CNTNAP2: variants seen among roughly 807,000 people sequenced by gnomAD.
CNTNAP2 encodes contactin-associated protein-like 2.
A neutral mutation model predicts 155.2 loss-of-function variants in CNTNAP2; 98 were observed. The observed-to-expected ratio is 0.63, with a 90% CI of 0.54 to 0.75. CNTNAP2 has a LOEUF of 0.75. Ranked by LOEUF, CNTNAP2 falls within the 30% of genes least tolerant of loss-of-function variation. The pLI is 0.00. For missense variants in CNTNAP2, 1,727 were observed against 1,688.1 expected (o/e 1.02, Z -0.40); for synonymous variants, 651 against 631.2 (o/e 1.03, Z -0.47).
intron 4 of CNTNAP2, among the ~76,000 whole-genome samples, chr7:147,105,226 C>A (rs1800740965): frequency 6.6e-6 from 1 of 151,670 alleles, no homozygotes; most frequent in African/African-American, 2.4e-5. Flanking sequence ...GACTAAGGAA[C>A]AATAAAATGT....
At chr7:147,269,077 C>T (rs1261519228) in intron 8 of CNTNAP2, among the ~76,000 whole-genome samples, 3 of 152,090 alleles carry the variant, frequency 2.0e-5, no homozygotes, top group Admixed American at 2.0e-4. Flanking sequence ...CTGAGTGTAA[C>T]CTGGCTTCCC....
At chr7:147,877,696 A>G (rs2116710527) in intron 13 of CNTNAP2, among the ~76,000 whole-genome samples, 1 of 152,232 alleles carries the variant, frequency 6.6e-6, no homozygotes, top group East Asian at 1.9e-4. Flanking sequence ...TCTAATTACA[A>G]ATTAGAGATA....
intron 12 of CNTNAP2, among the ~76,000 whole-genome samples, chr7:147,596,587 G>A (rs1249026455): frequency 1.3e-5 from 2 of 152,108 alleles, no homozygotes; most frequent in East Asian, 3.9e-4. Context: ...ACCTCAGCCT[G>A]AGCCCCATCT....
intron 11 of CNTNAP2, among the ~76,000 whole-genome samples, chr7:147,553,284 G>GA (rs1391835569): frequency 3.3e-5 from 5 of 152,006 alleles, no homozygotes; most frequent in African/African-American, 9.7e-5. Context: ...GCAGCCAATG[G>GA]AAAAAAGAGA....
At chr7:146,464,393 G>A (rs1796686489) in intron 1 of CNTNAP2, among the ~76,000 whole-genome samples, 1 of 151,848 alleles carries the variant, frequency 6.6e-6, no homozygotes, top group African/African-American at 2.4e-5. Flanking sequence ...AGATCATATT[G>A]AATATATTGT....
intron 8 of CNTNAP2, among the ~76,000 whole-genome samples, chr7:147,154,967 A>G (rs1314784247): frequency 6.6e-6 from 1 of 152,168 alleles, no homozygotes; most frequent in Middle Eastern, 3.2e-3. Flanking sequence ...AGATAATTTA[A>G]TAGAGAGAAA....
intron 1 of CNTNAP2, among the ~76,000 whole-genome samples, chr7:146,634,425 T>C (rs768099431): frequency 1.3e-5 from 2 of 152,198 alleles, no homozygotes; most frequent in African/African-American, 2.4e-5. Flanking sequence ...TCTCCATCAT[T>C]CCAAGTGCAA....
chr7:147,098,358 A>T (rs1563076124), intron 4 of CNTNAP2, among the ~76,000 whole-genome samples: 1 of 152,176 alleles, frequency 6.6e-6, no homozygotes, highest in Non-Finnish European at 1.5e-5. Flanking sequence ...GCGTTTTTAG[A>T]ACAGTCGAAT....
chr7:146,351,035 G>A (rs1014173322), intron 1 of CNTNAP2, among the ~76,000 whole-genome samples: 8 of 121,786 alleles, frequency 6.6e-5, no homozygotes, highest in African/African-American at 2.2e-4. Flanking sequence ...GTTGTGGGGT[G>A]GGGGGAGGGT....
At chr7:146,536,696 T>C (rs1458709761) in intron 1 of CNTNAP2, among the ~76,000 whole-genome samples, 4 of 151,970 alleles carry the variant, frequency 2.6e-5, no homozygotes, top group African/African-American at 9.7e-5. Context: ...TATCACTTGT[T>C]TATTGCTGTG....
chr7:147,690,554 TCC>T (rs374946474), intron 13 of CNTNAP2, among the ~76,000 whole-genome samples: 135 of 151,950 alleles, frequency 8.9e-4, no homozygotes, highest in African/African-American at 2.9e-3. Context: ...AAAAAAGGTA[TCC>T]ACAAATAATT....
At chr7:147,076,034 A>T (rs1799992758) in intron 4 of CNTNAP2, among the ~76,000 whole-genome samples, 1 of 152,118 alleles carries the variant, frequency 6.6e-6, no homozygotes, top group Non-Finnish European at 1.5e-5. Context: ...TCTATCATTG[A>T]TGGACATTTG....
At chr7:146,501,981 A>G (rs1217478638) in intron 1 of CNTNAP2, among the ~76,000 whole-genome samples, 1 of 151,854 alleles carries the variant, frequency 6.6e-6, no homozygotes, top group Admixed American at 6.6e-5. Context: ...CCCATTAACC[A>G]ACCTCTCTTT....
At chr7:147,599,857 C>T (rs10249778) in intron 12 of CNTNAP2, among the ~76,000 whole-genome samples, 1,616 of 152,276 alleles carry the variant, frequency 0.011, 37 homozygotes, top group African/African-American at 0.037. Context: ...CAAATAAGAT[C>T]ACATTCACAG....
intron 14 of CNTNAP2, among the ~76,000 whole-genome samples, chr7:147,964,699 G>A (rs985712061): frequency 3.9e-5 from 6 of 152,180 alleles, no homozygotes; most frequent in African/African-American, 1.2e-4. Context: ...TTGATTAACA[G>A]TGATGGATTT....
At position 147,299,103 on chromosome 7, in the gene CNTNAP2, TGAA is replaced by T. The variant is rs1794892876; in HGVS notation, c.1349-1031_1349-1029del. On this transcript the variant is annotated intron_variant, in intron 8 of 23. Coordinates refer to ENST00000361727, the MANE Select transcript of CNTNAP2 (RefSeq NM_014141.6). ...CCTGTGGATTCTACATTGTGCCGTC[TGAA>T]GAAGAATAGCACAAAATACCCCCCA... Among the ~76,000 whole-genome samples the T allele has an allele frequency of 2.6e-5, 4 of 152,288 alleles. No homozygotes were observed. In the South Asian group the frequency reaches 8.3e-4, roughly 32 times the overall value.
intron 1 of CNTNAP2, among the ~76,000 whole-genome samples, chr7:146,402,998 G>A (rs1156265850): frequency 3.3e-5 from 5 of 151,538 alleles, no homozygotes; most frequent in Non-Finnish European, 7.4e-5. Context: ...TAATGACCTA[G>A]TCACACACTC....
chr7:148,074,148 T>C (rs1476456558), intron 15 of CNTNAP2, among the ~76,000 whole-genome samples: 2 of 152,216 alleles, frequency 1.3e-5, no homozygotes, highest in East Asian at 3.8e-4. Flanking sequence ...GAGCCCGTTA[T>C]TGGAACTTAG....
chr7:147,371,209 G>A (rs183106917), intron 9 of CNTNAP2, among the ~76,000 whole-genome samples: 20 of 152,160 alleles, frequency 1.3e-4, no homozygotes, highest in Non-Finnish European at 2.6e-4. Flanking sequence ...TAAAATTCAC[G>A]ACCATATATA....
Sources: gnomAD v4.1 joint callset for allele counts (sites outside exome capture counted in the v4.1 genomes callset) on GRCh38, gnomAD v4.1.1 for gene constraint, MANE v1.5 for transcripts, NCBI Gene and HGNC (gene_info 2026-07-23, HGNC 2026-07-21) for gene names.